The following RSU1 variants were observed in gnomAD, a reference collection of about 807,000 sequenced individuals.
The protein encoded by RSU1 is rsu-1.
In RSU1, 26 loss-of-function variants were observed where a neutral mutation model predicts 31.1. That is an observed-to-expected ratio of 0.84 (90% confidence interval 0.61 to 1.16). RSU1 has a LOEUF of 1.16. Ranked by LOEUF, RSU1 falls within the 50% of genes most tolerant of loss-of-function variation. RSU1 has a pLI of 0.00. For missense variants in RSU1, 320 were observed against 339.1 expected (o/e 0.94, Z 0.44); for synonymous variants, 164 against 136.3 (o/e 1.20, Z -1.41).
chr10:16,685,236 C>T (rs1008070468), intron 8 of RSU1, among the ~76,000 whole-genome samples: 3 of 152,056 alleles, frequency 2.0e-5, no homozygotes, highest in Non-Finnish European at 2.9e-5. Context: ...GGCAACAGAG[C>T]GGGACTCCGT....
intron 8 of RSU1, among the ~76,000 whole-genome samples, chr10:16,621,888 T>C (rs528004381): frequency 2.0e-5 from 3 of 152,326 alleles, no homozygotes; most frequent in South Asian, 2.1e-4. Flanking sequence ...TGTAATTTTA[T>C]TGATAGCAAA....
At chr10:16,646,743 C>A (rs898225956) in intron 8 of RSU1, among the ~76,000 whole-genome samples, 1 of 152,148 alleles carries the variant, frequency 6.6e-6, no homozygotes, top group African/African-American at 2.4e-5. Context: ...GGCATTGTAA[C>A]TAATAATATT....
chr10:16,720,468 C>T (rs914168418), intron 7 of RSU1, among the ~76,000 whole-genome samples: 1 of 152,042 alleles, frequency 6.6e-6, no homozygotes, highest in East Asian at 1.9e-4. Flanking sequence ...TATTTTACAG[C>T]AAAAAACAAC....
At chr10:16,699,178 T>C (rs1240430280) in intron 7 of RSU1, among the ~76,000 whole-genome samples, 1 of 152,230 alleles carries the variant, frequency 6.6e-6, no homozygotes. Context: ...CAGAGCAATG[T>C]CTCTTTGGAG....
chr10:16,599,009 G>A (rs572250224), intron 8 of RSU1, among the ~76,000 whole-genome samples: 1 of 152,306 alleles, frequency 6.6e-6, no homozygotes, highest in South Asian at 2.1e-4. Context: ...TCTACGAGAG[G>A]AAGTGCAAAC....
chr10:16,646,891 T>C (rs1300468198), intron 8 of RSU1, among the ~76,000 whole-genome samples: 1 of 151,970 alleles, frequency 6.6e-6, no homozygotes, highest in East Asian at 1.9e-4. Context: ...CACAATGAGA[T>C]AGCATTTCAT....
At chr10:16,817,183 G>T in intron 1 of RSU1, 99 bp from the exon 2 acceptor site, 2 of 861,354 alleles carry the variant, frequency 2.3e-6, no homozygotes, top group Non-Finnish European at 3.9e-6. Flanking sequence ...CCCCAGGGTT[G>T]GAGCGGGTGG....
intron 2 of RSU1, among the ~76,000 whole-genome samples, chr10:16,785,451 C>CATAT (rs1379402403): frequency 8.7e-5 from 12 of 138,584 alleles, no homozygotes; most frequent in African/African-American, 3.5e-4. Context: ...CACATATATA[C>CATAT]ATATATACAT....
chr10:16,611,295 C>T (rs1366303361), intron 8 of RSU1, among the ~76,000 whole-genome samples: 1 of 152,186 alleles, frequency 6.6e-6, no homozygotes, highest in Admixed American at 6.5e-5. Context: ...CCAGAATAGG[C>T]TGCAGTGGCC....
At chr10:16,651,797 A>T (rs1184708693) in intron 8 of RSU1, among the ~76,000 whole-genome samples, 1 of 152,230 alleles carries the variant, frequency 6.6e-6, no homozygotes, top group African/African-American at 2.4e-5. Flanking sequence ...TTTATACCTA[A>T]TGAAGCCTTT....
chr10:16,693,065 C>T (rs188944531), intron 8 of RSU1, among the ~76,000 whole-genome samples: 1 of 152,108 alleles, frequency 6.6e-6, no homozygotes, highest in African/African-American at 2.4e-5. Flanking sequence ...CTGGCTCAAG[C>T]GATTCTTGTG....
intron 8 of RSU1, among the ~76,000 whole-genome samples, chr10:16,652,159 T>G (rs756520983): frequency 6.6e-6 from 1 of 152,066 alleles, no homozygotes; most frequent in African/African-American, 2.4e-5. Flanking sequence ...CTAAAGGTTG[T>G]GCTAAACTGT....
At chr10:16,732,098 C>A (rs1836523755) in intron 7 of RSU1, among the ~76,000 whole-genome samples, 1 of 130,698 alleles carries the variant, frequency 7.7e-6, no homozygotes, top group Non-Finnish European at 1.6e-5. Context: ...CAACTAGTCA[C>A]AGAAGACCTA....
intron 8 of RSU1, among the ~76,000 whole-genome samples, chr10:16,682,726 C>CA: frequency 6.6e-6 from 1 of 152,076 alleles, no homozygotes; most frequent in East Asian, 1.9e-4. Context: ...CTTTCTTGTG[C>CA]AAAATCCAAG....
intron 8 of RSU1, among the ~76,000 whole-genome samples, chr10:16,683,247 C>T (rs539821667): frequency 1.3e-5 from 2 of 150,292 alleles, no homozygotes; most frequent in East Asian, 4.0e-4. Context: ...ATAAACAGAA[C>T]GTGTCTCCCT....
At chr10:16,633,189 G>A (rs900305257) in intron 8 of RSU1, among the ~76,000 whole-genome samples, 8 of 152,110 alleles carry the variant, frequency 5.3e-5, no homozygotes, top group East Asian at 1.9e-4. Flanking sequence ...TCCAGAGAGC[G>A]CCAAGTGTCC....
rs373470032 is a variant in RSU1, at chr10:16,796,005, A to C, written c.110-13921T>G. On this transcript the variant is annotated intron_variant, in intron 2 of 8. Transcript: ENST00000345264. ...GGCCCCACATTTCCCTGGGAAAAGT[A>C]AACCTTCTTTTCAAGCAGGAGGAGC... Among the ~76,000 whole-genome samples, 21 of 152,294 alleles carry C rather than the reference A, an allele frequency of 1.4e-4. No individual in the cohort carries two copies. The East Asian group carries it at 2.3e-3, about 17-fold the overall frequency.
At chr10:16,812,207 C>G (rs982680217) in intron 2 of RSU1, among the ~76,000 whole-genome samples, 11 of 152,142 alleles carry the variant, frequency 7.2e-5, no homozygotes, top group African/African-American at 2.7e-4. Flanking sequence ...TTTGGGAGGC[C>G]AAGGCGGGTG....
At chr10:16,649,448 G>A (rs1834639227) in intron 8 of RSU1, among the ~76,000 whole-genome samples, 2 of 152,114 alleles carry the variant, frequency 1.3e-5, no homozygotes, top group East Asian at 1.9e-4. Context: ...TAACTCCTAA[G>A]AGGTACTCGA....
Sources: gnomAD v4.1 joint callset for allele counts (sites outside exome capture counted in the v4.1 genomes callset) on GRCh38, gnomAD v4.1.1 for gene constraint, MANE v1.5 for transcripts, NCBI Gene and HGNC (gene_info 2026-07-23, HGNC 2026-07-21) for gene names.